Variants in CREG2 observed in about 807,000 individuals in gnomAD.
CREG2 encodes protein CREG2.
Under a neutral mutation model 26.2 loss-of-function variants are expected in CREG2, and 24 were observed. The observed-to-expected ratio is 0.92, with a 90% confidence interval of 0.66 to 1.29. The LOEUF (loss-of-function observed/expected upper bound fraction) is 1.29, where lower values mean the gene tolerates loss of function less well. Among genes scored for constraint, CREG2 ranks in the 50% most tolerant of loss-of-function variants. The probability of loss-of-function intolerance (pLI) is 0.00; values close to 1 mark genes in which losing one functional copy is unlikely to be tolerated. For missense variants in CREG2, 366 were observed against 398.6 expected (o/e 0.92, Z 0.70); for synonymous variants, 174 against 169.2 (o/e 1.03, Z -0.22).
At chr2:101,370,359 G>GCTA (rs1342006369) in intron 2 of CREG2, among the ~76,000 whole-genome samples, 11 of 152,228 alleles carry the variant, frequency 7.2e-5, no homozygotes, top group South Asian at 4.2e-4. Flanking sequence ...ACTGACCATA[G>GCTA]CTACCATTTA....
intron 2 of CREG2, among the ~76,000 whole-genome samples, chr2:101,371,994 G>T (rs561657348): frequency 1.3e-5 from 2 of 151,362 alleles, no homozygotes; most frequent in Admixed American, 6.6e-5. Context: ...CCAAGGAGGA[G>T]CTTAGTGTCT....
chr2:101,373,028 T>A (rs574896267), intron 2 of CREG2, among the ~76,000 whole-genome samples: 56 of 152,304 alleles, frequency 3.7e-4, no homozygotes, highest in African/African-American at 1.3e-3. Context: ...AGAACCCTCA[T>A]ACATTTAGGA....
chr2:101,353,934 G>T (rs1020270140), intron 3 of CREG2, among the ~76,000 whole-genome samples: 1 of 152,084 alleles, frequency 6.6e-6, no homozygotes, highest in Non-Finnish European at 1.5e-5. Context: ...ATGGACACAG[G>T]GAGGGGAACA....
chr2:101,383,928 C>T (rs1276048210), intron 1 of CREG2, among the ~76,000 whole-genome samples: 1 of 152,210 alleles, frequency 6.6e-6, no homozygotes, highest in Non-Finnish European at 1.5e-5. Context: ...TCAGCAGTGG[C>T]ATCCTGTTTG....
intron 2 of CREG2, among the ~76,000 whole-genome samples, chr2:101,369,625 G>A (rs557913331): frequency 6.6e-6 from 1 of 152,316 alleles, no homozygotes; most frequent in South Asian, 2.1e-4. Context: ...CCGATAACTT[G>A]TAGGGGATTT....
intron 2 of CREG2, among the ~76,000 whole-genome samples, chr2:101,356,101 G>A (rs2104470811): frequency 6.6e-6 from 1 of 152,276 alleles, no homozygotes; most frequent in African/African-American, 2.4e-5. Flanking sequence ...ATCTTTCCCT[G>A]AGGCCTGGCC....
chr2:101,347,184 G>A lies in CREG2; in HGVS notation c.*3739C>T, dbSNP rs929429949. 7.2e-5 allele frequency: 11 copies of A among 152,002 alleles called. No homozygotes were observed. The highest frequency in any genetic ancestry group is 1.9e-4 in the East Asian group (1 of 5,174). 9.4% of individuals were successfully genotyped at this position (152,002 alleles called of 1,614,324 possible). On this transcript the variant is annotated 3_prime_UTR_variant, in exon 4 of 4. Coordinates refer to ENST00000324768, the MANE Select transcript of CREG2 (RefSeq NM_153836.4). ...CTTTTTTATCGCTGAGTAGTATTCC[G>A]GGCATAGAGGCACCATCCACTGTTT...
At chr2:101,366,857 A>C (rs1161096644) in intron 2 of CREG2, among the ~76,000 whole-genome samples, 1 of 152,044 alleles carries the variant, frequency 6.6e-6, no homozygotes, top group African/African-American at 2.4e-5. Context: ...CAAATACAAA[A>C]CCAATATAGT....
At position 101,350,891 on chromosome 2, in the gene CREG2, G is replaced by A; in HGVS notation, c.*32C>T. 1.9e-6 allele frequency: 3 copies of A among 1,611,144 alleles called. No homozygotes were observed. Among genetic ancestry groups the A allele is most frequent in the Non-Finnish European group, 2.5e-6 (3 of 1,178,340 alleles). On this transcript the variant is annotated 3_prime_UTR_variant, in exon 4 of 4. Coordinates refer to ENST00000324768, the MANE Select transcript of CREG2 (RefSeq NM_153836.4). ...CATCACTGAAAAGGTTTTCATTTAA[G>A]TGCAAACACCAAGGACTTTCTTCTC...
At chr2:101,373,623 A>G (rs977093451) in intron 2 of CREG2, among the ~76,000 whole-genome samples, 1 of 152,224 alleles carries the variant, frequency 6.6e-6, no homozygotes, top group Non-Finnish European at 1.5e-5. Flanking sequence ...TGGTCAGAAG[A>G]TGGAGGAAAA....
intron 3 of CREG2, among the ~76,000 whole-genome samples, chr2:101,353,019 T>A (rs972852724): frequency 6.6e-6 from 1 of 152,238 alleles, no homozygotes; most frequent in Non-Finnish European, 1.5e-5. Context: ...TATGTAGTGG[T>A]AGGCAAACTT....
At chr2:101,366,430 G>A (rs1254830593) in intron 2 of CREG2, among the ~76,000 whole-genome samples, 1 of 152,122 alleles carries the variant, frequency 6.6e-6, no homozygotes, top group Non-Finnish European at 1.5e-5. Context: ...TGGACATACA[G>A]TTGGCCTTCC....
intron 2 of CREG2, among the ~76,000 whole-genome samples, chr2:101,357,906 G>T (rs1287809623): frequency 6.6e-6 from 1 of 150,674 alleles, no homozygotes; most frequent in Non-Finnish European, 1.5e-5. Context: ...GATCCTGGGA[G>T]GCGGAGCTTG....
chr2:101,363,883 C>CACAG (rs1491494037), intron 2 of CREG2, among the ~76,000 whole-genome samples: 26 of 147,898 alleles, frequency 1.8e-4, no homozygotes, highest in African/African-American at 6.4e-4. Context: ...CACACACACA[C>CACAG]AGACACACAC....
intron 2 of CREG2, among the ~76,000 whole-genome samples, chr2:101,366,203 C>T (rs1221470071): frequency 6.6e-6 from 1 of 152,174 alleles, no homozygotes; most frequent in African/African-American, 2.4e-5. Context: ...TCTTCCTACT[C>T]TTAGGGCACA....
intron 2 of CREG2, chr2:101,382,407 CAA>C (rs1183116011): frequency 1.5e-5 from 12 of 801,648 alleles, no homozygotes; most frequent in South Asian, 5.8e-5. Flanking sequence ...GTCTGGGAAA[CAA>C]GAGCGAAACT....
At chr2:101,379,695 AC>A (rs1158557937) in intron 2 of CREG2, among the ~76,000 whole-genome samples, 10 of 152,230 alleles carry the variant, frequency 6.6e-5, no homozygotes, top group Admixed American at 5.9e-4. Flanking sequence ...ATTTGATAAA[AC>A]TAGGTATAAA....
intron 2 of CREG2, among the ~76,000 whole-genome samples, chr2:101,381,079 G>T (rs897931127): frequency 6.6e-6 from 1 of 152,184 alleles, no homozygotes; most frequent in African/African-American, 2.4e-5. Context: ...AGACATGGGC[G>T]CTTTCTTGAA....
intron 2 of CREG2, among the ~76,000 whole-genome samples, chr2:101,362,116 G>A (rs1684550511): frequency 6.6e-6 from 1 of 152,154 alleles, no homozygotes; most frequent in Non-Finnish European, 1.5e-5. Context: ...ATTTGGTCAC[G>A]AAAGCTCAAG....
Sources: allele counts gnomAD v4.1 joint callset (sites outside exome capture counted in the v4.1 genomes callset), GRCh38; gene constraint gnomAD v4.1.1; transcripts MANE v1.5; gene names NCBI Gene and HGNC (gene_info 2026-07-23, HGNC 2026-07-21).